Variants in SMARCA2 observed in about 807,000 individuals in gnomAD.
The protein encoded by SMARCA2 is SWI/SNF related BAF chromatin remodeling complex subunit ATPase 2.
In SMARCA2, 61 loss-of-function variants were observed where a neutral mutation model predicts 199.8. The observed-to-expected ratio is 0.31, with a 90% confidence interval of 0.25 to 0.38. The LOEUF (loss-of-function observed/expected upper bound fraction) is 0.38. SMARCA2 is among the 10% of genes least tolerant of loss of function. The probability of loss-of-function intolerance (pLI) is 1.00; values close to 1 mark genes in which losing one functional copy is unlikely to be tolerated. For missense variants in SMARCA2, 1,344 were observed against 2,012.2 expected (o/e 0.67, Z 6.35); for synonymous variants, 935 against 732.0 (o/e 1.28, Z -4.48).
At chr9:2,131,381 G>A (rs1418311945) in intron 27 of SMARCA2, among the ~76,000 whole-genome samples, 2 of 152,166 alleles carry the variant, frequency 1.3e-5, no homozygotes, top group Non-Finnish European at 2.9e-5. Context: ...GGAAGACACC[G>A]CTTTGTTTTG....
At chr9:2,176,740 T>G (rs1239868881) in intron 29 of SMARCA2, among the ~76,000 whole-genome samples, 2 of 145,182 alleles carry the variant, frequency 1.4e-5, no homozygotes, top group African/African-American at 2.5e-5. Flanking sequence ...TTTTTTTTTG[T>G]AGAGATGAGG....
In SMARCA2 at chr9:2,115,899, C is replaced by T. The variant is rs1823195529; in HGVS notation, c.3534C>T (p.Asn1178=). The change falls in exon 25 of 34, where the codon AAC becomes AAT. Residue 1178 remains asparagine (N), a synonymous_variant. Transcript: ENST00000349721. This position sits in a 1 kb window ranked among gnomAD's most constrained non-coding sequence, Gnocchi z 6.0. The part of the protein sequence containing the change: ...EVRVLRLCTV[N]SVEEKILAAA... ...GGGTACTGAGGCTCTGTACCGTGAA[C>T]AGCGTGGAGGAAAAGATCCTCGCGG... 1 of 1,614,058 alleles carries T rather than the reference C, an allele frequency of 6.2e-7. No homozygotes were observed. The highest frequency in any genetic ancestry group is 8.5e-7 in the Non-Finnish European group (1 of 1,180,004).
chr9:2,128,192 C>T (rs560485619), intron 27 of SMARCA2, among the ~76,000 whole-genome samples: 3 of 152,138 alleles, frequency 2.0e-5, no homozygotes, highest in African/African-American at 7.2e-5. Flanking sequence ...GCATTGGGGG[C>T]GAGCATCCTG....
intron 4 of SMARCA2, chr9:2,040,818 T>A (rs1295709454): frequency 6.6e-6 from 1 of 152,324 alleles, no homozygotes; most frequent in African/African-American, 2.4e-5. Context: ...CTCTTGGTCT[T>A]CTGTCTTGAT....
chr9:2,083,490 C>A (rs983530860), intron 16 of SMARCA2, 77 bp downstream of exon 16: 4 of 861,370 alleles, frequency 4.6e-6, no homozygotes, highest in African/African-American at 1.7e-5. Flanking sequence ...ATATGCACAT[C>A]TGTGAACTGT....
chr9:2,097,500 G>T, intron 21 of SMARCA2, 29 bp downstream of exon 21: 1 of 1,352,724 alleles, frequency 7.4e-7, no homozygotes, highest in Non-Finnish European at 1.1e-6. Context: ...TTTTGAGCCT[G>T]ATTGTGCTAA....
At chr9:2,079,020 A>G in intron 14 of SMARCA2, among the ~76,000 whole-genome samples, 1 of 152,262 alleles carries the variant, frequency 6.6e-6, no homozygotes, top group East Asian at 1.9e-4. Context: ...TGTAACTAAG[A>G]TTACCATATA....
intron 27 of SMARCA2, among the ~76,000 whole-genome samples, chr9:2,156,860 C>G (rs1825391962): frequency 6.6e-6 from 1 of 152,224 alleles, no homozygotes; most frequent in African/African-American, 2.4e-5. Context: ...TCATTAAGCA[C>G]TAACTCCCCG....
Position 2,158,691 on chromosome 9 carries a change from G to A in SMARCA2, c.3982-2995G>A, listed in dbSNP as rs1227562093. The A allele has an allele frequency of 1.1e-5, 4 of 371,448 alleles. No individual in the cohort carries two copies. In the Admixed American group the frequency reaches 1.8e-4, roughly 17 times the overall value. The allele number at this position is 371,448 out of a possible 1,614,324, so 23.0% of individuals were successfully genotyped here. On this transcript the variant is annotated intron_variant, in intron 27 of 33. Coordinates refer to ENST00000349721, the MANE Select transcript of SMARCA2 (RefSeq NM_003070.5). ...GTGACCCCCCAGCCCCCAGCGCTGA[G>A]TTTGAGTCAGTTGAGCCAGTTTAGT...
chr9:2,157,764 A>C, intron 27 of SMARCA2: 1 of 395,920 alleles, frequency 2.5e-6, no homozygotes, highest in Non-Finnish European at 4.5e-6. Context: ...ATTCATAATC[A>C]TGGATCCCCT....
chr9:2,052,487 GAA>G (rs760880717), intron 5 of SMARCA2, among the ~76,000 whole-genome samples: 22 of 151,132 alleles, frequency 1.5e-4, no homozygotes, highest in Non-Finnish European at 2.5e-4. Context: ...AACAAACAAA[GAA>G]AAAACAATAA....
intron 1 of SMARCA2, among the ~76,000 whole-genome samples, chr9:2,028,143 G>A (rs560756920): frequency 1.3e-5 from 2 of 152,316 alleles, no homozygotes; most frequent in East Asian, 3.9e-4. Context: ...CTTCTCTCAA[G>A]GATTCTTGAC....
At position 2,193,048 on chromosome 9, in the gene SMARCA2, G is replaced by A; in HGVS notation, c.*309G>A. 3.6e-6 allele frequency: 1 copy of A among 279,174 alleles called. No homozygotes were observed. 17.3% of individuals were successfully genotyped at this position (279,174 alleles called of 1,614,324 possible). On this transcript the variant is annotated 3_prime_UTR_variant, in exon 34 of 34. Coordinates refer to ENST00000349721, the MANE Select transcript of SMARCA2 (RefSeq NM_003070.5). ...TATGGGTGGGTCTAATTTGGTAACG[G>A]TTTGATTGTGCCTGGTTTTATCACC...
chr9:2,026,495 A>G (rs1818837499), intron 1 of SMARCA2, among the ~76,000 whole-genome samples: 1 of 152,226 alleles, frequency 6.6e-6, no homozygotes, highest in Non-Finnish European at 1.5e-5. Context: ...TGAGATTCCC[A>G]GGTGGAAATG....
At chr9:2,083,167 G>A (rs62534888) in intron 15 of SMARCA2, among the ~76,000 whole-genome samples, 180 bp from the exon 16 acceptor site, 114 of 152,044 alleles carry the variant, frequency 7.5e-4, no homozygotes, top group African/African-American at 2.6e-3. Flanking sequence ...CATGTTTTGT[G>A]ACAGTTTGTT....
chr9:2,098,702 G>A (rs540309069), intron 21 of SMARCA2, among the ~76,000 whole-genome samples: 2 of 152,134 alleles, frequency 1.3e-5, no homozygotes, highest in African/African-American at 2.4e-5. Context: ...TTGGGAGGCC[G>A]AGGCAGGAAG....
At chr9:2,167,347 T>C (rs1158190195) in intron 28 of SMARCA2, among the ~76,000 whole-genome samples, 1 of 152,268 alleles carries the variant, frequency 6.6e-6, no homozygotes, top group Non-Finnish European at 1.5e-5. Flanking sequence ...AGAAAGTGAA[T>C]AGGGTGTCAT....
chr9:2,171,699 G>T (rs1826256293), intron 29 of SMARCA2, among the ~76,000 whole-genome samples: 1 of 152,156 alleles, frequency 6.6e-6, no homozygotes, highest in Non-Finnish European at 1.5e-5. Flanking sequence ...ATAAGTTTGG[G>T]CAGTTTAAAT....
In SMARCA2 at chr9:2,051,539, A is replaced by G. The variant is rs115666794; in HGVS notation, c.1047-3058A>G. ...GATGTAATCTCTACCCTATCACCCC[A>G]GTTATCTGACGATTACTTATTTAGT... On this transcript the variant is annotated intron_variant, in intron 5 of 33. Transcript: ENST00000349721. Among the ~76,000 whole-genome samples, 657 of 152,290 alleles carry G rather than the reference A, an allele frequency of 4.3e-3. 6 individuals are homozygous for G. The highest frequency in any genetic ancestry group is 0.015 in the African/African-American group (622 of 41,562).
Sources: gnomAD v4.1 joint callset for allele counts (sites outside exome capture counted in the v4.1 genomes callset) on GRCh38, gnomAD v4.1.1 for gene constraint, Gnocchi (gnomAD v3.1) non-coding constraint, MANE v1.5 for transcripts, NCBI Gene and HGNC (gene_info 2026-07-23, HGNC 2026-07-21) for gene names.